The following OXR1 variants were observed in gnomAD, a reference collection of about 807,000 sequenced individuals.
OXR1 encodes the protein oxidation resistance 1, also known as oxidation resistance protein 1.
Under a neutral mutation model 104.6 loss-of-function variants are expected in OXR1, and 41 were observed. The observed-to-expected ratio is 0.39, with a 90% CI of 0.31 to 0.51. The LOEUF (loss-of-function observed/expected upper bound fraction) is 0.51, where lower values mean the gene tolerates loss of function less well. Ranked by LOEUF, OXR1 falls within the 20% of genes least tolerant of loss-of-function variation. The pLI is 0.77. For synonymous variants in OXR1, 348 were observed against 348.4 expected (o/e 1.00, Z 0.01); for missense variants, 955 against 1,031.9 (o/e 0.93, Z 1.02).
intron 1 of OXR1, among the ~76,000 whole-genome samples, chr8:106,315,978 A>T (rs1383778339): frequency 6.6e-6 from 1 of 152,208 alleles, no homozygotes; most frequent in Non-Finnish European, 1.5e-5. Context: ...AAAAGCCTTT[A>T]AAAACAGATA....
chr8:106,271,012 T>C (rs1427197341), intron 1 of OXR1, among the ~76,000 whole-genome samples: 2 of 151,850 alleles, frequency 1.3e-5, no homozygotes, highest in Non-Finnish European at 2.9e-5. Context: ...AGGCCACATG[T>C]TGGGAACTGG....
chr8:106,468,579 G>A (rs938461102), intron 2 of OXR1, among the ~76,000 whole-genome samples: 1 of 151,768 alleles, frequency 6.6e-6, no homozygotes, highest in Admixed American at 6.6e-5. Flanking sequence ...AGAGACCATG[G>A]AGAAAAAATA....
At chr8:106,337,995 C>G (rs1273433159) in intron 1 of OXR1, among the ~76,000 whole-genome samples, 4 of 152,094 alleles carry the variant, frequency 2.6e-5, no homozygotes, top group Admixed American at 2.6e-4. Context: ...ATTCATTGTT[C>G]CGGTTATATC....
At chr8:106,284,122 A>G (rs1586470477) in intron 1 of OXR1, among the ~76,000 whole-genome samples, 1 of 151,908 alleles carries the variant, frequency 6.6e-6, no homozygotes, top group Non-Finnish European at 1.5e-5. Flanking sequence ...GCTTTCATGG[A>G]GCTAATAGTA....
chr8:106,705,501 A>G (rs552864388), intron 8 of OXR1, among the ~76,000 whole-genome samples: 1 of 152,280 alleles, frequency 6.6e-6, no homozygotes, highest in South Asian at 2.1e-4. Flanking sequence ...TTACTTTACA[A>G]TCTTTCCTTT....
chr8:106,311,074 T>A (rs1813679968), intron 1 of OXR1, among the ~76,000 whole-genome samples: 1 of 152,100 alleles, frequency 6.6e-6, no homozygotes, highest in Non-Finnish European at 1.5e-5. Flanking sequence ...TGATCAGTCT[T>A]CTAATTTTCT....
At chr8:106,519,247 A>G in intron 3 of OXR1, 108 bp downstream of exon 3, 6 of 673,906 alleles carry the variant, frequency 8.9e-6, no homozygotes, top group Non-Finnish European at 1.5e-5. Flanking sequence ...AAACATGTAA[A>G]TCTTTCTGAT....
chr8:106,472,405 G>A (rs924606917), intron 2 of OXR1, among the ~76,000 whole-genome samples: 3 of 151,650 alleles, frequency 2.0e-5, no homozygotes, highest in African/African-American at 7.3e-5. Context: ...AGAGTATGAA[G>A]TAAAAACATA....
At chr8:106,481,543 A>G (rs933122949) in intron 2 of OXR1, among the ~76,000 whole-genome samples, 2 of 152,058 alleles carry the variant, frequency 1.3e-5, no homozygotes, top group African/African-American at 4.8e-5. Context: ...ATTGAAATTG[A>G]GGAAAAGATG....
chr8:106,707,209 C>G (rs750375823), intron 9 of OXR1, 64 bp downstream of exon 9: 1 of 1,507,198 alleles, frequency 6.6e-7, no homozygotes, highest in Non-Finnish European at 9.2e-7. Context: ...TCTTTCCTCA[C>G]TGACTCAAAA....
intron 1 of OXR1, among the ~76,000 whole-genome samples, chr8:106,320,530 A>T (rs1814170639): frequency 6.6e-6 from 1 of 152,182 alleles, no homozygotes; most frequent in Non-Finnish European, 1.5e-5. Context: ...TTTTAGGGCA[A>T]AGTAGTATTT....
chr8:106,446,566 T>C (rs947378543), intron 2 of OXR1, among the ~76,000 whole-genome samples: 1 of 150,858 alleles, frequency 6.6e-6, no homozygotes, highest in Admixed American at 6.6e-5. Context: ...TGCAGCAAGC[T>C]GAGATAGCAT....
At chr8:106,435,600 A>C (rs1392184191) in intron 2 of OXR1, among the ~76,000 whole-genome samples, 1 of 152,206 alleles carries the variant, frequency 6.6e-6, no homozygotes, top group Non-Finnish European at 1.5e-5. Context: ...TCCCATGTAA[A>C]GAACCAGTAC....
At chr8:106,542,463 A>G (rs1046177717) in intron 3 of OXR1, among the ~76,000 whole-genome samples, 1 of 152,176 alleles carries the variant, frequency 6.6e-6, no homozygotes, top group Non-Finnish European at 1.5e-5. Context: ...AAGAACTTAA[A>G]AAGTTCTTAA....
intron 8 of OXR1, 94 bp from the exon 9 acceptor site, chr8:106,706,288 T>TGATA: frequency 1.3e-6 from 1 of 798,710 alleles, no homozygotes; most frequent in Non-Finnish European, 1.9e-6. Flanking sequence ...TGTTAAAAAG[T>TGATA]CTTTTTAGTG....
At chr8:106,582,023 CAAA>C (rs71307074) in intron 3 of OXR1, among the ~76,000 whole-genome samples, 728 of 69,546 alleles carry the variant, frequency 0.01, 6 homozygotes, top group African/African-American at 0.041. Context: ...GACTCTGTCT[CAAA>C]AAAAAAAAAA....
At chr8:106,610,094 C>T (rs1820701529) in intron 3 of OXR1, among the ~76,000 whole-genome samples, 1 of 149,748 alleles carries the variant, frequency 6.7e-6, no homozygotes, top group South Asian at 2.1e-4. Context: ...TTAAAATCAA[C>T]CTTTTGATTT....
chr8:106,727,541 G>A (rs7835918), intron 11 of OXR1, among the ~76,000 whole-genome samples: 1 of 151,894 alleles, frequency 6.6e-6, no homozygotes, highest in Non-Finnish European at 1.5e-5. Context: ...CCTCAGCCCG[G>A]CAAGTAGCTG....
chr8:106,657,189 GGAC>G, intron 3 of OXR1, among the ~76,000 whole-genome samples: 1 of 152,050 alleles, frequency 6.6e-6, no homozygotes. Flanking sequence ...TGCCTAAACA[GGAC>G]TGGGATCATA....
Sources: gnomAD v4.1 joint callset for allele counts (sites outside exome capture counted in the v4.1 genomes callset) on GRCh38, gnomAD v4.1.1 for gene constraint, MANE v1.5 for transcripts, NCBI Gene and HGNC (gene_info 2026-07-23, HGNC 2026-07-21) for gene names.